The following PCLO variants were observed in gnomAD, a reference collection of about 807,000 sequenced individuals.
The protein encoded by PCLO is piccolo presynaptic cytomatrix protein.
A neutral mutation model predicts 427.5 loss-of-function variants in PCLO; 82 were observed. That is an observed-to-expected ratio of 0.19 (90% CI 0.16 to 0.23). The LOEUF (loss-of-function observed/expected upper bound fraction) is 0.23. PCLO is among the 10% of genes least tolerant of loss of function. PCLO has a pLI of 1.00. For missense variants in PCLO, 6,239 were observed against 6,115.9 expected (o/e 1.02, Z -0.67); for synonymous variants, 2,357 against 2,155.4 (o/e 1.09, Z -2.59).
At position 82,956,775 on chromosome 7, in the gene PCLO, T is replaced by G; in HGVS notation, c.4178A>C (p.Lys1393Thr). 1 of 1,613,880 alleles carries G rather than the reference T, an allele frequency of 6.2e-7. No homozygotes were observed. The change falls in exon 5 of 25, where the codon AAA becomes ACA. Residue 1393 changes from lysine to threonine, a missense_variant. Lys to Thr is a moderately conservative substitution (Grantham distance 78). Around this residue, in one of 5 missense-constraint regions of PCLO, gnomAD observed 4,677 missense variants for 4,468.4 expected, o/e 1.05. Transcript: ENST00000333891. Reference sequence around the variant, plus strand: ...GCTTTCTTGTGAAAAAGAGTCCTTTTTGAGTCCCTTGAGAATATCCTTTTC... The same window carrying G: ...GCTTTCTTGTGAAAAAGAGTCCTTTGTGAGTCCCTTGAGAATATCCTTTTC... ...TDEKDILKGL[K>T]KDSFSQESSP...
chr7:83,114,251 C>T (rs1169103050), intron 3 of PCLO, among the ~76,000 whole-genome samples: 1 of 151,978 alleles, frequency 6.6e-6, no homozygotes, highest in African/African-American at 2.4e-5. Context: ...TCATATTCTG[C>T]AGAGATTGTA....
At position 83,050,227 on chromosome 7, in the gene PCLO, A is replaced by AAAAACAAAAACAAAAAC. The variant is rs1789206780; in HGVS notation, c.3301-83741_3301-83740insGTTTTTGTTTTTGTTTT. Among the ~76,000 whole-genome samples the AAAAACAAAAACAAAAAC allele has an allele frequency of 3.3e-3, 283 of 85,642 alleles. 3 individuals carry two copies. The highest frequency in any genetic ancestry group is 9.4e-3 in the African/African-American group (250 of 26,612). 56.2% of individuals were successfully genotyped at this position (85,642 alleles called of 152,430 possible). On this transcript the variant is annotated intron_variant, in intron 3 of 24. Coordinates refer to ENST00000333891, the MANE Select transcript of PCLO (RefSeq NM_033026.6). ...AAAACTGAAAAAAAAAAAAAAAAAAAAAAAAAAAAACACAAGCAAACAAAA... is the reference window on the plus strand; with the variant it reads ...AAAACTGAAAAAAAAAAAAAAAAAAAAAAACAAAAACAAAAACAAAAAAAAAACACAAGCAAACAAAA...
chr7:83,128,187 G>A (rs1490848419), intron 3 of PCLO, among the ~76,000 whole-genome samples: 2 of 151,510 alleles, frequency 1.3e-5, no homozygotes, highest in African/African-American at 2.4e-5. Flanking sequence ...TCAAACCATC[G>A]AGACAGGGAT....
At chr7:82,929,381 T>A (rs1378395751) in intron 6 of PCLO, among the ~76,000 whole-genome samples, 3 of 152,128 alleles carry the variant, frequency 2.0e-5, no homozygotes, top group African/African-American at 4.8e-5. Context: ...CTTGCGTCAC[T>A]CCTAAGTGGC....
chr7:82,973,503 T>C (rs1047330170), intron 3 of PCLO, among the ~76,000 whole-genome samples: 1 of 152,128 alleles, frequency 6.6e-6, no homozygotes, highest in Admixed American at 6.6e-5. Flanking sequence ...AATTGCTGAA[T>C]TGAAGAATAT....
rs187228698 is a variant in PCLO at position 83,063,514 on chromosome 7, T to A, written c.3300+70736A>T. 5.6e-3 allele frequency among the ~76,000 whole-genome samples: 856 copies of A among 152,226 alleles called. 4 individuals are homozygous for A. The highest frequency in any genetic ancestry group is 7.8e-3 in the Non-Finnish European group (530 of 67,946). ...AATTACATGTGATATTCAACTTTTTTAAAATAAGCTTTGTGTTAGAGGATT... is the reference window on the plus strand; with the variant it reads ...AATTACATGTGATATTCAACTTTTTAAAAATAAGCTTTGTGTTAGAGGATT... On this transcript the variant is annotated intron_variant, in intron 3 of 24. Transcript: ENST00000333891.
intron 3 of PCLO, among the ~76,000 whole-genome samples, chr7:83,032,411 T>TC (rs1300504044): frequency 8.7e-6 from 1 of 115,110 alleles, no homozygotes; most frequent in African/African-American, 3.7e-5. Flanking sequence ...CCTCCCTCCC[T>TC]CCTTCCCTTC....
At position 82,915,300 on chromosome 7, in the gene PCLO, C is replaced by T. The variant is rs760166266; in HGVS notation, c.12686G>A (p.Gly4229Asp). Residue 4229 changes from glycine (G) to aspartate (D), a missense_variant, in exon 7 of 25, where the codon GGC becomes GAC. By Grantham distance (94) the Gly-to-Asp change is moderately conservative. This residue lies in a region of PCLO where 680 missense variants were observed against 677.3 expected (regional missense o/e 1.00). Transcript: ENST00000333891. ...YMTSSTSSIG[G>D]ISSRARLLQD... ...AAGGAGCCTTGCCCTGGAGGAAATG[C>T]CACCAATAGATGAAGTGCTAGAAGT... 6.2e-7 allele frequency: 1 copy of T among 1,613,464 alleles called. No homozygotes were observed. Among genetic ancestry groups the T allele is most frequent in the East Asian group, 2.2e-5 (1 of 44,782 alleles).
intron 6 of PCLO, among the ~76,000 whole-genome samples, chr7:82,944,382 C>T (rs1795153960): frequency 6.6e-6 from 1 of 151,752 alleles, no homozygotes; most frequent in Non-Finnish European, 1.5e-5. Flanking sequence ...TCTTTCTGGA[C>T]ACTGGGTATA....
chr7:83,094,311 C>T lies in PCLO; in HGVS notation c.3300+39939G>A, dbSNP rs534615703. Among the ~76,000 whole-genome samples, 10 of 149,280 alleles carry T rather than the reference C, an allele frequency of 6.7e-5. No individual in the cohort carries two copies. In the South Asian group the frequency reaches 1.1e-3, roughly 16 times the overall value. On this transcript the variant is annotated intron_variant, in intron 3 of 24. Coordinates refer to ENST00000333891, the MANE Select transcript of PCLO (RefSeq NM_033026.6). The stretch of plus-strand genomic sequence containing the variant: ...GCAACCTTCACCTCCTGAGTTCAAG[C>T]GATTCTCCTGCCTCAGCTGCCCAAG...
At chr7:83,017,189 G>T (rs1349951929) in intron 3 of PCLO, among the ~76,000 whole-genome samples, 2 of 152,040 alleles carry the variant, frequency 1.3e-5, no homozygotes, top group Non-Finnish European at 2.9e-5. Flanking sequence ...ATTAGCAGTA[G>T]GAAGATCTGG....
At position 82,953,771 on chromosome 7, in the gene PCLO, A is replaced by G. The variant is rs1336070866; in HGVS notation, c.7182T>C (p.Phe2394=). 6.4e-7 allele frequency: 1 copy of G among 1,568,990 alleles called. No homozygotes were observed. The highest frequency in any genetic ancestry group is 8.6e-7 in the Non-Finnish European group (1 of 1,156,212). Residue 2394 remains phenylalanine (F), a synonymous_variant, in exon 5 of 25, where the codon TTT becomes TTC. Transcript: ENST00000333891. ...CTGATATATCCAAAGAAGAACTTCT[A>G]AAGAATGGGCGAGGTTTAGCTGGAA... ...SSLPAKPRPF[F]RSSSLDISAQ...
At chr7:82,782,890 TC>T (rs1790903770) in intron 22 of PCLO, among the ~76,000 whole-genome samples, 1 of 152,228 alleles carries the variant, frequency 6.6e-6, no homozygotes. Context: ...GAACATCTAC[TC>T]CCAAATGCAT....
intron 3 of PCLO, among the ~76,000 whole-genome samples, chr7:83,059,719 A>G (rs1358958423): frequency 6.6e-6 from 1 of 152,130 alleles, no homozygotes; most frequent in Non-Finnish European, 1.5e-5. Flanking sequence ...TGAAAGAAGT[A>G]CCAAGATGGA....
chr7:83,034,392 T>A (rs1308223295), intron 3 of PCLO, among the ~76,000 whole-genome samples: 1 of 152,226 alleles, frequency 6.6e-6, no homozygotes, highest in Non-Finnish European at 1.5e-5. Flanking sequence ...TTTTGCCATG[T>A]TGGCCAAGCT....
At chr7:82,837,983 C>T (rs1453812063) in intron 15 of PCLO, among the ~76,000 whole-genome samples, 1 of 151,880 alleles carries the variant, frequency 6.6e-6, no homozygotes, top group Non-Finnish European at 1.5e-5. Context: ...GGCTGATTTG[C>T]TCTCTTGGAG....
At chr7:82,803,485 T>TAAA (rs1791400877) in intron 21 of PCLO, among the ~76,000 whole-genome samples, 1 of 152,128 alleles carries the variant, frequency 6.6e-6, no homozygotes, top group Non-Finnish European at 1.5e-5. Flanking sequence ...TGCTTTCAAT[T>TAAA]GAAACTGATT....
At chr7:83,070,452 AT>A (rs1789784182) in intron 3 of PCLO, among the ~76,000 whole-genome samples, 1 of 144,788 alleles carries the variant, frequency 6.9e-6, no homozygotes, top group Non-Finnish European at 1.5e-5. Flanking sequence ...CAGTGGCGTG[AT>A]CTCAGCTCAG....
At chr7:82,804,452 ATTG>A (rs575162503) in intron 21 of PCLO, among the ~76,000 whole-genome samples, 259 of 152,336 alleles carry the variant, frequency 1.7e-3, no homozygotes, top group Non-Finnish European at 2.6e-3. Flanking sequence ...AAATATTATA[ATTG>A]TTGTGGACAT....
Sources: gnomAD v4.1 joint callset for allele counts (sites outside exome capture counted in the v4.1 genomes callset) on GRCh38, gnomAD v4.1.1 for gene constraint, gnomAD v4.1.1 regional missense constraint, MANE v1.5 for transcripts, NCBI Gene and HGNC (gene_info 2026-07-23, HGNC 2026-07-21) for gene names.